The following APPBP2 variants were observed in gnomAD, a reference collection of about 807,000 sequenced individuals.
The protein encoded by APPBP2 is amyloid protein-binding protein 2.
APPBP2 carries 15 observed loss-of-function variants against 76.0 expected under a neutral mutation model. That is an observed-to-expected ratio of 0.20 (90% CI 0.13 to 0.30). The LOEUF is 0.30. Among genes scored for constraint, APPBP2 ranks in the 10% least tolerant of loss-of-function variants. The pLI is 1.00. For missense variants in APPBP2, 401 were observed against 687.2 expected (o/e 0.58, Z 4.66); for synonymous variants, 222 against 242.2 (o/e 0.92, Z 0.77).
At chr17:60,524,480 C>A (rs1330115522) in intron 1 of APPBP2, among the ~76,000 whole-genome samples, 1 of 151,996 alleles carries the variant, frequency 6.6e-6, no homozygotes, top group Non-Finnish European at 1.5e-5. Flanking sequence ...TTCTCGAAAT[C>A]CAAAATAATA....
chr17:60,459,429 T>C (rs930424676), intron 9 of APPBP2: 66 of 152,084 alleles, frequency 4.3e-4, no homozygotes, highest in African/African-American at 1.5e-3. Context: ...ATGGCCAACT[T>C]TCCCTGTCAT....
chr17:60,490,360 T>A (rs1257036387), intron 3 of APPBP2, among the ~76,000 whole-genome samples: 4 of 152,088 alleles, frequency 2.6e-5, no homozygotes, highest in Non-Finnish European at 4.4e-5. Context: ...TTCCTATGAA[T>A]CTACAGTCAC....
intron 3 of APPBP2, among the ~76,000 whole-genome samples, chr17:60,481,715 T>A (rs1380995043): frequency 6.6e-6 from 1 of 152,218 alleles, no homozygotes; most frequent in African/African-American, 2.4e-5. Flanking sequence ...AAATTTATTT[T>A]CTCTGTTCAA....
intron 1 of APPBP2, among the ~76,000 whole-genome samples, chr17:60,502,334 T>C (rs536163087): frequency 4.6e-5 from 7 of 152,332 alleles, no homozygotes; most frequent in Non-Finnish European, 1.0e-4. Context: ...TCTTATTTAC[T>C]TGACAACCAA....
intron 3 of APPBP2, among the ~76,000 whole-genome samples, chr17:60,493,640 T>C (rs1006948255): frequency 4.8e-5 from 7 of 146,032 alleles, no homozygotes; most frequent in African/African-American, 1.9e-4. Context: ...AGCCTTTTTT[T>C]TTTCTTTTTT....
chr17:60,494,969 TTTTTGTTTTG>T (rs1292994596), intron 2 of APPBP2, among the ~76,000 whole-genome samples: 1 of 129,818 alleles, frequency 7.7e-6, no homozygotes, highest in Non-Finnish European at 1.5e-5. Flanking sequence ...AGAAGAGTTT[TTTTTGTTTTG>T]TTTTGTTTTT....
chr17:60,463,960 A>C, intron 6 of APPBP2, 61 bp downstream of exon 6: 1 of 1,251,062 alleles, frequency 8.0e-7, no homozygotes, highest in Non-Finnish European at 1.1e-6. Context: ...AGGTTAATTA[A>C]AACAAACTTA....
chr17:60,485,506 T>A (rs938808714), intron 3 of APPBP2, among the ~76,000 whole-genome samples: 15 of 152,342 alleles, frequency 9.8e-5, no homozygotes, highest in African/African-American at 3.6e-4. Context: ...ATTTATAGTA[T>A]TCTCTGATGG....
intron 4 of APPBP2, among the ~76,000 whole-genome samples, chr17:60,477,858 T>C (rs985220426): frequency 2.0e-5 from 3 of 151,010 alleles, no homozygotes; most frequent in African/African-American, 7.3e-5. Context: ...AACAATAATC[T>C]GGCTGGGTGT....
At chr17:60,520,639 C>T (rs1463360660) in intron 1 of APPBP2, among the ~76,000 whole-genome samples, 1 of 151,452 alleles carries the variant, frequency 6.6e-6, no homozygotes, top group Non-Finnish European at 1.5e-5. Context: ...AAACACTTCA[C>T]CCAGACAAAG....
intron 1 of APPBP2, among the ~76,000 whole-genome samples, chr17:60,515,603 T>C (rs2090956556): frequency 6.6e-6 from 1 of 152,280 alleles, no homozygotes; most frequent in South Asian, 2.1e-4. Flanking sequence ...AAGAATAGCG[T>C]CTCCTAACTT....
At position 60,518,185 on chromosome 17, in the gene APPBP2, C is replaced by T. The variant is rs148889198; in HGVS notation, c.138+7609G>A. On this transcript the variant is annotated intron_variant, in intron 1 of 12. Coordinates refer to ENST00000083182, the MANE Select transcript of APPBP2 (RefSeq NM_006380.5). ...CAATTCTGCCAAGTAACTGGCACTA[C>T]AGGTGTATGTCGCCATGCCTAGCTT... is the stretch of plus-strand genomic sequence containing the variant. Among the ~76,000 whole-genome samples, 398 of 151,496 alleles carry T rather than the reference C, an allele frequency of 2.6e-3. 1 individual carries two copies. Among genetic ancestry groups the T allele is most frequent in the Non-Finnish European group, 4.5e-3 (306 of 67,946 alleles).
intron 4 of APPBP2, among the ~76,000 whole-genome samples, chr17:60,470,347 T>C (rs1224310198): frequency 6.6e-6 from 1 of 151,388 alleles, no homozygotes. Context: ...ACAGCCATGA[T>C]CTCCTGGGCT....
chr17:60,460,418 C>T (rs544019498), intron 9 of APPBP2: 8 of 233,604 alleles, frequency 3.4e-5, no homozygotes, highest in African/African-American at 1.1e-4. Flanking sequence ...CTCAAGCAAT[C>T]TTTCCACCTC....
chr17:60,471,752 C>T (rs2090554237), intron 4 of APPBP2, among the ~76,000 whole-genome samples: 2 of 152,180 alleles, frequency 1.3e-5, no homozygotes, highest in South Asian at 4.1e-4. Context: ...CATCCATATT[C>T]ATAAGAGATA....
intron 1 of APPBP2, among the ~76,000 whole-genome samples, chr17:60,512,639 A>C (rs982075367): frequency 3.3e-5 from 5 of 151,466 alleles, no homozygotes; most frequent in African/African-American, 1.2e-4. Flanking sequence ...GTTCAAGACC[A>C]GACTGGCCAA....
At chr17:60,468,754 C>A (rs971849552) in intron 4 of APPBP2, among the ~76,000 whole-genome samples, 3 of 152,086 alleles carry the variant, frequency 2.0e-5, no homozygotes, top group African/African-American at 7.2e-5. Context: ...CAACCTTCTG[C>A]CTAAGGAAAA....
intron 2 of APPBP2, among the ~76,000 whole-genome samples, chr17:60,495,948 C>G (rs2090772550): frequency 6.6e-6 from 1 of 152,036 alleles, no homozygotes; most frequent in Non-Finnish European, 1.5e-5. Flanking sequence ...GAAAATTATT[C>G]AGCCATAAAA....
rs994452955 is a variant in APPBP2, at chr17:60,446,208, G to A, written c.*1373C>T. On this transcript the variant is annotated 3_prime_UTR_variant, in exon 13 of 13. Coordinates refer to ENST00000083182, the MANE Select transcript of APPBP2 (RefSeq NM_006380.5). ...TCTTAACTATAGAAGCATCAGATGG[G>A]CTACTACAGTAAGAATTGAGGTAAC... 1.3e-5 allele frequency: 2 copies of A among 152,546 alleles called. No homozygotes were observed. Among genetic ancestry groups the A allele is most frequent in the Non-Finnish European group, 2.9e-5 (2 of 68,024 alleles). The allele number at this position is 152,546 out of a possible 1,614,324, so 9.4% of individuals were successfully genotyped here.
Sources: gnomAD v4.1 joint callset for allele counts (sites outside exome capture counted in the v4.1 genomes callset) on GRCh38, gnomAD v4.1.1 for gene constraint, MANE v1.5 for transcripts, NCBI Gene and HGNC (gene_info 2026-07-23, HGNC 2026-07-21) for gene names.